IFT74: variants seen among roughly 807,000 people sequenced by gnomAD.
The protein encoded by IFT74 is intraflagellar transport protein 74 homolog.
IFT74 carries 92 observed loss-of-function variants against 96.7 expected under a neutral mutation model. The observed-to-expected ratio is 0.95, with a 90% CI of 0.80 to 1.13. IFT74 has a LOEUF of 1.13. IFT74 is among the 50% of genes most tolerant of loss of function. The pLI, the probability that IFT74 is intolerant of heterozygous loss-of-function variation, is 0.00. For missense variants in IFT74, 811 were observed against 698.2 expected (o/e 1.16, Z -1.82); for synonymous variants, 223 against 213.2 (o/e 1.05, Z -0.40).
At chr9:27,025,378 G>A (rs1337610410) in intron 12 of IFT74, among the ~76,000 whole-genome samples, 2 of 149,962 alleles carry the variant, frequency 1.3e-5, no homozygotes, top group Admixed American at 1.3e-4. Flanking sequence ...GGGAGGTGGA[G>A]GTTGCAGTGA....
chr9:26,999,979 C>T (rs1362953588), intron 8 of IFT74, among the ~76,000 whole-genome samples: 2 of 152,058 alleles, frequency 1.3e-5, no homozygotes, highest in African/African-American at 2.4e-5. Flanking sequence ...ATGTGTTACT[C>T]AGCCTGGTAT....
intron 16 of IFT74, among the ~76,000 whole-genome samples, chr9:27,052,547 C>T (rs769032682): frequency 3.5e-5 from 5 of 143,580 alleles, no homozygotes; most frequent in Non-Finnish European, 6.1e-5. Context: ...ATTATGTGTT[C>T]TCCTGAGATG....
At chr9:26,987,592 A>G (rs956415932) in intron 6 of IFT74, among the ~76,000 whole-genome samples, 21 of 152,218 alleles carry the variant, frequency 1.4e-4, no homozygotes, top group African/African-American at 5.1e-4. Context: ...AGGCCTTATT[A>G]GCACTTATTA....
chr9:26,948,449 T>TTA (rs1563926434), intron 1 of IFT74, among the ~76,000 whole-genome samples: 9 of 25,490 alleles, frequency 3.5e-4, no homozygotes, highest in Admixed American at 3.7e-4. Context: ...CTTTCCATTA[T>TTA]TTTTTTTTTT....
At chr9:26,986,956 A>T (rs189968178) in intron 6 of IFT74, among the ~76,000 whole-genome samples, 79 of 152,290 alleles carry the variant, frequency 5.2e-4, no homozygotes, top group Non-Finnish European at 4.4e-4. Flanking sequence ...GGACTACACA[A>T]TTCATCACAA....
intron 13 of IFT74, among the ~76,000 whole-genome samples, chr9:27,037,995 C>G (rs970646447): frequency 6.6e-6 from 1 of 152,202 alleles, no homozygotes; most frequent in Non-Finnish European, 1.5e-5. Flanking sequence ...GCCATTTGAT[C>G]GAGGCATCAG....
intron 1 of IFT74, among the ~76,000 whole-genome samples, chr9:26,948,438 G>A (rs1825816466): frequency 8.8e-6 from 1 of 114,058 alleles, no homozygotes; most frequent in South Asian, 2.9e-4. Flanking sequence ...ACCTGTGATG[G>A]CTTTCCATTA....
chr9:27,027,681 A>C (rs1324223351), intron 12 of IFT74, among the ~76,000 whole-genome samples: 1 of 152,076 alleles, frequency 6.6e-6, no homozygotes, highest in African/African-American at 2.4e-5. Context: ...GAGTTGTAAC[A>C]TTTCCTTATA....
chr9:27,037,577 A>T (rs1340276736), intron 13 of IFT74, among the ~76,000 whole-genome samples: 1 of 152,238 alleles, frequency 6.6e-6, no homozygotes, highest in Non-Finnish European at 1.5e-5. Context: ...GAAACTTGTT[A>T]TAGAAGAAGA....
chr9:27,020,868 A>G (rs1829567293), intron 12 of IFT74, among the ~76,000 whole-genome samples: 1 of 152,080 alleles, frequency 6.6e-6, no homozygotes. Context: ...TGATGCATCC[A>G]TCAACCAAGC....
intron 8 of IFT74, among the ~76,000 whole-genome samples, chr9:26,998,529 A>T (rs540269935): frequency 3.3e-5 from 5 of 152,246 alleles, no homozygotes; most frequent in Non-Finnish European, 7.3e-5. Context: ...TGCTACTGGA[A>T]TATTCCCATT....
At chr9:27,039,678 A>G (rs1317983499) in intron 13 of IFT74, among the ~76,000 whole-genome samples, 1 of 152,220 alleles carries the variant, frequency 6.6e-6, no homozygotes, top group East Asian at 1.9e-4. Flanking sequence ...ACAACCATTT[A>G]CAATATATTA....
chr9:26,991,985 C>T (rs1394061922), intron 8 of IFT74, among the ~76,000 whole-genome samples: 1 of 151,776 alleles, frequency 6.6e-6, no homozygotes, highest in Non-Finnish European at 1.5e-5. Context: ...GCTGAGGTCG[C>T]GCCATCGTGC....
At chr9:26,963,449 T>G (rs1587240836) in intron 2 of IFT74, among the ~76,000 whole-genome samples, 1 of 150,278 alleles carries the variant, frequency 6.7e-6, no homozygotes, top group East Asian at 2.0e-4. Flanking sequence ...AGCAGCATGA[T>G]TTATAGTCCT....
At chr9:26,972,542 G>A (rs1382897332) in intron 2 of IFT74, among the ~76,000 whole-genome samples, 1 of 152,180 alleles carries the variant, frequency 6.6e-6, no homozygotes, top group Admixed American at 6.5e-5. Flanking sequence ...TAGAACAGGG[G>A]CAGTTATGAA....
At chr9:27,006,966 A>G (rs1828822611) in intron 8 of IFT74, among the ~76,000 whole-genome samples, 1 of 149,670 alleles carries the variant, frequency 6.7e-6, no homozygotes, top group Non-Finnish European at 1.5e-5. Context: ...CCTCCCAAGT[A>G]GCTGGGACTA....
Position 27,009,042 on chromosome 9 carries a change from G to A in IFT74, c.610G>A (p.Val204Ile). Reference protein sequence around the residue: ...RQAKEKQIRSVEEEIEQEKQA... With the variant: ...RQAKEKQIRSIEEEIEQEKQA... ...TAGGAAAGAAAAACAAATCAGAAGT[G>A]TCGAAGAAGAAATTGAACAGGAAAA... is the stretch of plus-strand genomic sequence containing the variant. The change falls in exon 9 of 20, where the codon GTC (valine) becomes ATC (isoleucine). Residue 204 changes from valine to isoleucine, a missense_variant. Transcript: ENST00000380062. 6.2e-7 allele frequency: 1 copy of A among 1,612,908 alleles called. No individual in the cohort carries two copies. Among genetic ancestry groups the A allele is most frequent in the Non-Finnish European group, 8.5e-7 (1 of 1,179,318 alleles).
chr9:27,007,557 GA>G (rs755180881), intron 8 of IFT74, among the ~76,000 whole-genome samples: 1 of 152,188 alleles, frequency 6.6e-6, no homozygotes, highest in Non-Finnish European at 1.5e-5. Flanking sequence ...CTCCAACAGT[GA>G]AACAAAAATA....
At chr9:26,962,926 ATTT>A (rs370313745) in intron 2 of IFT74, among the ~76,000 whole-genome samples, 1 of 136,536 alleles carries the variant, frequency 7.3e-6, no homozygotes, top group Non-Finnish European at 1.6e-5. Flanking sequence ...AACTTTACTA[ATTT>A]TTTTTTTTTT....
Sources: gnomAD v4.1 joint callset for allele counts (sites outside exome capture counted in the v4.1 genomes callset) on GRCh38, gnomAD v4.1.1 for gene constraint, MANE v1.5 for transcripts, NCBI Gene and HGNC (gene_info 2026-07-23, HGNC 2026-07-21) for gene names.